HYCC2: variants seen among roughly 807,000 people sequenced by gnomAD.
HYCC2 encodes the protein hyccin PI4KA lipid kinase complex subunit 2.
At chr2:200,991,988 A>G in the HYCC2 span, among the ~76,000 whole-genome samples, 1 of 152,120 alleles carries the variant, frequency 6.6e-6, no homozygotes, top group African/African-American at 2.4e-5. Flanking sequence ...GACTTGTCCT[A>G]TCATTTATGC....
chr2:200,999,427 C>G, the HYCC2 span, among the ~76,000 whole-genome samples: 1 of 151,830 alleles, frequency 6.6e-6, no homozygotes, highest in African/African-American at 2.4e-5. Flanking sequence ...GTCTTGTCAC[C>G]CAGGCTGAAG....
At chr2:201,002,188 C>A in the HYCC2 span, among the ~76,000 whole-genome samples, 260 of 148,470 alleles carry the variant, frequency 1.8e-3, 10 homozygotes, top group East Asian at 0.049. Context: ...AATCCCAGCA[C>A]TTTGGGAGGT....
chr2:201,042,129 G>A, the HYCC2 span, among the ~76,000 whole-genome samples: 3 of 152,168 alleles, frequency 2.0e-5, no homozygotes, highest in African/African-American at 7.2e-5. Flanking sequence ...ACTGGTTTTC[G>A]TATTTTTTGG....
the HYCC2 span, among the ~76,000 whole-genome samples, chr2:201,002,774 C>T: frequency 2.0e-5 from 3 of 152,278 alleles, no homozygotes; most frequent in East Asian, 1.9e-4. Flanking sequence ...CCACCCACCT[C>T]GGCCTCCCAA....
chr2:201,050,320 A>G, the HYCC2 span, among the ~76,000 whole-genome samples: 1 of 152,112 alleles, frequency 6.6e-6, no homozygotes, highest in Non-Finnish European at 1.5e-5. Flanking sequence ...TGAAAGAAAC[A>G]GAATATCCAA....
At chr2:201,019,456 C>T in the HYCC2 span, among the ~76,000 whole-genome samples, 2 of 152,082 alleles carry the variant, frequency 1.3e-5, no homozygotes. Flanking sequence ...AAAGTAAGAC[C>T]GTTAAAAACT....
chr2:201,052,540 T>G, the HYCC2 span, among the ~76,000 whole-genome samples: 1 of 151,184 alleles, frequency 6.6e-6, no homozygotes, highest in Non-Finnish European at 1.5e-5. Context: ...CCTGGGAGGT[T>G]GAGGCTGCAG....
chr2:201,054,146 G>A, the HYCC2 span, among the ~76,000 whole-genome samples: 6 of 152,262 alleles, frequency 3.9e-5, no homozygotes, highest in South Asian at 2.1e-4. Context: ...AGGAATAATC[G>A]GAGAAGCCCT....
the HYCC2 span, among the ~76,000 whole-genome samples, chr2:201,041,966 G>A: frequency 1.1e-4 from 17 of 151,170 alleles, no homozygotes; most frequent in Non-Finnish European, 2.5e-4. Flanking sequence ...CCCTTTGCAC[G>A]GTCCTCCTCT....
At chr2:201,030,693 C>T in the HYCC2 span, among the ~76,000 whole-genome samples, 1 of 151,942 alleles carries the variant, frequency 6.6e-6, no homozygotes, top group African/African-American at 2.4e-5. Context: ...ATTCTCCTGC[C>T]TCGGCCTCCC....
At chr2:201,044,178 T>G in the HYCC2 span, among the ~76,000 whole-genome samples, 1 of 152,246 alleles carries the variant, frequency 6.6e-6, no homozygotes, top group Non-Finnish European at 1.5e-5. Flanking sequence ...AGTTCCAGAA[T>G]GTATAACAAA....
At chr2:201,035,571 T>C in the HYCC2 span, among the ~76,000 whole-genome samples, 1 of 152,172 alleles carries the variant, frequency 6.6e-6, no homozygotes, top group Non-Finnish European at 1.5e-5. Flanking sequence ...CTCGGAGTAG[T>C]CTGATCGTCT....
At chr2:201,019,420 A>G in the HYCC2 span, among the ~76,000 whole-genome samples, 1 of 152,126 alleles carries the variant, frequency 6.6e-6, no homozygotes, top group Non-Finnish European at 1.5e-5. Flanking sequence ...TTGGCAATCC[A>G]GTAAGTTTTA....
At chr2:201,020,376 G>A in the HYCC2 span, among the ~76,000 whole-genome samples, 77 of 152,304 alleles carry the variant, frequency 5.1e-4, 1 homozygote, top group Admixed American at 2.0e-4. Context: ...CCTAACTTGA[G>A]TGGGTTAAAG....
chr2:201,052,581 C>T, the HYCC2 span, among the ~76,000 whole-genome samples: 1 of 151,974 alleles, frequency 6.6e-6, no homozygotes, highest in Non-Finnish European at 1.5e-5. Flanking sequence ...GCACTGCAGC[C>T]TAGACAAGAG....
chr2:201,035,276 T>C, the HYCC2 span, among the ~76,000 whole-genome samples: 1 of 152,226 alleles, frequency 6.6e-6, no homozygotes, highest in Non-Finnish European at 1.5e-5. Context: ...TATAGTCCCA[T>C]ATTTCTTGGA....
the HYCC2 span, among the ~76,000 whole-genome samples, chr2:201,055,655 G>A: frequency 4.6e-5 from 7 of 152,236 alleles, no homozygotes; most frequent in African/African-American, 1.7e-4. Flanking sequence ...CTACAATCAT[G>A]CCACTGCACC....
the HYCC2 span, among the ~76,000 whole-genome samples, chr2:201,003,785 G>T: frequency 1.4e-5 from 2 of 141,062 alleles, no homozygotes; most frequent in South Asian, 2.3e-4. Flanking sequence ...CTATGTTTGG[G>T]TTTTTTGTTG....
the HYCC2 span, chr2:200,981,891 A>G: frequency 6.3e-7 from 1 of 1,574,930 alleles, no homozygotes; most frequent in Non-Finnish European, 8.6e-7. The surrounding 1 kb of genome is among the most constrained non-coding windows in gnomAD (Gnocchi z 4.5). Flanking sequence ...CAAATCAGAC[A>G]GACTCAGCAA....
Sources: allele counts gnomAD v4.1 joint callset (sites outside exome capture counted in the v4.1 genomes callset), GRCh38; gene constraint gnomAD v4.1.1; non-coding constraint Gnocchi (gnomAD v3.1); transcripts MANE v1.5; gene names NCBI Gene and HGNC (gene_info 2026-07-23, HGNC 2026-07-21).